Variants in DTNA observed in about 807,000 individuals in gnomAD.
The protein encoded by DTNA is dystrobrevin alpha, also known as dystrophin-related protein 3.
DTNA carries 43 observed loss-of-function variants against 100.7 expected under a neutral mutation model. The observed-to-expected ratio is 0.43, with a 90% confidence interval of 0.33 to 0.55. DTNA has a LOEUF of 0.55. Among genes scored for constraint, DTNA ranks in the 20% least tolerant of loss-of-function variants. The pLI is 0.04. For synonymous variants in DTNA, 349 were observed against 347.9 expected (o/e 1.00, Z -0.04); for missense variants, 798 against 953.9 (o/e 0.84, Z 2.15).
At chr18:34,691,186 A>G (rs1387889120) in intron 1 of DTNA, among the ~76,000 whole-genome samples, 1 of 152,174 alleles carries the variant, frequency 6.6e-6, no homozygotes, top group Non-Finnish European at 1.5e-5. Context: ...CAAATCATGA[A>G]CACTCACTTT....
intron 3 of DTNA, among the ~76,000 whole-genome samples, chr18:34,771,481 T>TAA (rs916017140): frequency 6.6e-6 from 1 of 151,584 alleles, no homozygotes; most frequent in Admixed American, 6.6e-5. Context: ...GCCTGAGTGA[T>TAA]AGAGTGAGAC....
chr18:34,630,628 T>C (rs1203371234), intron 1 of DTNA, among the ~76,000 whole-genome samples: 2 of 152,034 alleles, frequency 1.3e-5, no homozygotes, highest in African/African-American at 4.8e-5. Flanking sequence ...GTCAGTTTCC[T>C]GAGACATGAG....
chr18:34,882,903 T>C (rs374169685), intron 21 of DTNA, among the ~76,000 whole-genome samples: 1 of 152,196 alleles, frequency 6.6e-6, no homozygotes, highest in Admixed American at 6.5e-5. Flanking sequence ...TCTTCCTCAT[T>C]GCCCACCTCA....
chr18:34,887,056 C>G (rs1213276953), intron 22 of DTNA, among the ~76,000 whole-genome samples: 1 of 152,140 alleles, frequency 6.6e-6, no homozygotes, highest in African/African-American at 2.4e-5. Flanking sequence ...AGCCATCCGC[C>G]AAGGCAGAGA....
intron 1 of DTNA, among the ~76,000 whole-genome samples, chr18:34,731,532 CA>C (rs2088225013): frequency 6.6e-6 from 1 of 151,380 alleles, no homozygotes. Context: ...AAGGGATATA[CA>C]ATACTTTGCA....
At chr18:34,727,848 A>G (rs1568335697) in intron 1 of DTNA, among the ~76,000 whole-genome samples, 1 of 152,204 alleles carries the variant, frequency 6.6e-6, no homozygotes. Context: ...TACAGGTGTG[A>G]GCCACTGCAC....
intron 1 of DTNA, among the ~76,000 whole-genome samples, chr18:34,748,948 T>C (rs1306247037): frequency 1.3e-5 from 2 of 152,350 alleles, no homozygotes; most frequent in East Asian, 3.9e-4. Flanking sequence ...TGGGGTGTGT[T>C]TCTATTTGTT....
intron 1 of DTNA, among the ~76,000 whole-genome samples, chr18:34,551,402 TCTC>T (rs1432119969): frequency 2.0e-5 from 3 of 152,106 alleles, no homozygotes; most frequent in Non-Finnish European, 4.4e-5. Context: ...TGCAGCATCT[TCTC>T]CACGGGTTCT....
chr18:34,830,189 T>C (rs1255424617), intron 11 of DTNA, among the ~76,000 whole-genome samples: 1 of 152,032 alleles, frequency 6.6e-6, no homozygotes, highest in African/African-American at 2.4e-5. Flanking sequence ...GACCTATGGC[T>C]CTGCCCTCAC....
At chr18:34,818,858 C>G (rs1013745596) in intron 8 of DTNA, among the ~76,000 whole-genome samples, 1 of 152,070 alleles carries the variant, frequency 6.6e-6, no homozygotes, top group Admixed American at 6.6e-5. Flanking sequence ...TATTAGCAAA[C>G]CATCTTTTCA....
At chr18:34,681,030 C>G (rs1217805556) in intron 1 of DTNA, among the ~76,000 whole-genome samples, 2 of 152,102 alleles carry the variant, frequency 1.3e-5, no homozygotes, top group Non-Finnish European at 2.9e-5. Context: ...CCCTTTTGTC[C>G]CTTGAGAATC....
In DTNA at chr18:34,755,956, G is replaced by A. The variant is rs1338971641; in HGVS notation, c.-1-20G>A. 2 of 1,608,718 alleles carry A rather than the reference G, an allele frequency of 1.2e-6. No homozygotes were observed. The highest frequency in any genetic ancestry group is 2.2e-5 in the South Asian group (2 of 90,810). ...CAATAGCGTGAGGATAATACACATT[G>A]TAACTATTTTGTCTCATAGAATGAT... On this transcript the variant is annotated intron_variant, in intron 1 of 22. Coordinates refer to ENST00000444659, the MANE Select transcript of DTNA (RefSeq NM_001386795.1).
chr18:34,570,211 A>G (rs2047457421), intron 1 of DTNA, among the ~76,000 whole-genome samples: 1 of 152,180 alleles, frequency 6.6e-6, no homozygotes, highest in African/African-American at 2.4e-5. Context: ...ATAGTCATTT[A>G]GGGAGTTTTT....
chr18:34,848,021 A>G (rs2096410866), intron 13 of DTNA, among the ~76,000 whole-genome samples: 6 of 152,224 alleles, frequency 3.9e-5, no homozygotes. Flanking sequence ...AATTCTTCTG[A>G]TCAGATGTAT....
In DTNA at chr18:34,748,056, T is replaced by C. The variant is rs2091876647; in HGVS notation, c.-1-7920T>C. ...GTTTTCATTTGCATTTCCCTGATGA[T>C]TAGTGATTGAGCATTTTTTCATATG... is the stretch of plus-strand genomic sequence containing the variant. On this transcript the variant is annotated intron_variant, in intron 1 of 22. Coordinates refer to ENST00000444659, the MANE Select transcript of DTNA (RefSeq NM_001386795.1). Among the ~76,000 whole-genome samples the C allele has an allele frequency of 3.3e-5, 5 of 152,146 alleles. No homozygotes were observed. In the South Asian group the frequency reaches 1.0e-3, roughly 32 times the overall value.
intron 1 of DTNA, among the ~76,000 whole-genome samples, chr18:34,672,627 A>G (rs35915524): frequency 0.077 from 11,665 of 152,298 alleles, 551 homozygotes; most frequent in Non-Finnish European, 0.11. Flanking sequence ...CTTCATATGT[A>G]TCATATCCCT....
In DTNA at chr18:34,889,778, T is replaced by C. The variant is rs1316102158; in HGVS notation, c.*2044T>C. 22 of 986,666 alleles carry C rather than the reference T, an allele frequency of 2.2e-5. No individual in the cohort carries two copies. Among genetic ancestry groups the C allele is most frequent in the African/African-American group, 5.2e-5 (3 of 57,252 alleles). The allele number at this position is 986,666 out of a possible 1,614,324, so 61.1% of individuals were successfully genotyped here. Reference sequence around the variant, plus strand: ...CTCTCCAGAGAACTCACCTGACAAATGTCTCTGAGCACAGGCTGACACCAA... The same window carrying C: ...CTCTCCAGAGAACTCACCTGACAAACGTCTCTGAGCACAGGCTGACACCAA... On this transcript the variant is annotated 3_prime_UTR_variant, in exon 23 of 23. Coordinates refer to ENST00000444659, the MANE Select transcript of DTNA (RefSeq NM_001386795.1).
chr18:34,837,739 A>C (rs568304724), intron 11 of DTNA, among the ~76,000 whole-genome samples: 1 of 152,324 alleles, frequency 6.6e-6, no homozygotes, highest in African/African-American at 2.4e-5. Flanking sequence ...CTTGAGTGGG[A>C]TCTAAAGGCT....
chr18:34,803,792 T>A (rs944873025), intron 4 of DTNA, among the ~76,000 whole-genome samples: 1 of 152,220 alleles, frequency 6.6e-6, no homozygotes, highest in Non-Finnish European at 1.5e-5. Flanking sequence ...AATCATTGCA[T>A]TTCTATTACA....
Sources: allele counts gnomAD v4.1 joint callset (sites outside exome capture counted in the v4.1 genomes callset), GRCh38; gene constraint gnomAD v4.1.1; transcripts MANE v1.5; gene names NCBI Gene and HGNC (gene_info 2026-07-23, HGNC 2026-07-21).